ST6GALNAC5: variants seen among roughly 807,000 people sequenced by gnomAD.
The protein encoded by ST6GALNAC5 is ST6 N-acetylgalactosaminide alpha-2,6-sialyltransferase 5.
Under a neutral mutation model 33.6 loss-of-function variants are expected in ST6GALNAC5, and 27 were observed. That is an observed-to-expected ratio of 0.80 (90% CI 0.59 to 1.11). The LOEUF (loss-of-function observed/expected upper bound fraction) is 1.11. Ranked by LOEUF, ST6GALNAC5 falls within the 50% of genes least tolerant of loss-of-function variation. ST6GALNAC5 has a pLI of 0.00. For synonymous variants in ST6GALNAC5, 194 were observed against 171.2 expected (o/e 1.13, Z -1.04); for missense variants, 428 against 454.0 (o/e 0.94, Z 0.52).
chr1:77,022,187 G>T (rs1651077688), intron 2 of ST6GALNAC5, among the ~76,000 whole-genome samples: 1 of 152,070 alleles, frequency 6.6e-6, no homozygotes, highest in Admixed American at 6.6e-5. Context: ...AATTAAGGAG[G>T]TTGCGAACAC....
At chr1:76,941,626 A>T (rs2100325234) in intron 2 of ST6GALNAC5, among the ~76,000 whole-genome samples, 1 of 152,118 alleles carries the variant, frequency 6.6e-6, no homozygotes, top group East Asian at 1.9e-4. Flanking sequence ...CTTACAAGAG[A>T]CAGAAGAAGA....
rs904203446 is a variant in ST6GALNAC5, at chr1:76,913,523, T to C, written c.261+44781T>C. On this transcript the variant is annotated intron_variant, in intron 2 of 4. Coordinates refer to ENST00000477717, the MANE Select transcript of ST6GALNAC5 (RefSeq NM_030965.3). The stretch of plus-strand genomic sequence containing the variant: ...ATACCCTGCAGAGTGTTTTCCAACT[T>C]GGTTCCATTCTCCCCGTCACTTTCA... Among the ~76,000 whole-genome samples the C allele has an allele frequency of 2.2e-4, 33 of 152,304 alleles. 1 individual carries two copies. The highest frequency in any genetic ancestry group is 7.5e-4 in the African/African-American group (31 of 41,574).
chr1:76,977,156 A>C (rs775711099), intron 2 of ST6GALNAC5, among the ~76,000 whole-genome samples: 17 of 151,836 alleles, frequency 1.1e-4, no homozygotes, highest in African/African-American at 3.1e-4. Context: ...TTTCCACTTT[A>C]TTTTTCATTA....
intron 2 of ST6GALNAC5, among the ~76,000 whole-genome samples, chr1:76,984,886 A>G (rs186612007): frequency 1.7e-4 from 26 of 152,340 alleles, no homozygotes; most frequent in African/African-American, 6.3e-4. Context: ...AATGTAATCC[A>G]TCACATAAAC....
At chr1:76,984,819 G>A (rs575181397) in intron 2 of ST6GALNAC5, among the ~76,000 whole-genome samples, 4 of 152,264 alleles carry the variant, frequency 2.6e-5, no homozygotes, top group South Asian at 2.1e-4. Context: ...TATGCACTAC[G>A]ATCAAGTCAG....
At chr1:77,059,401 G>A (rs1487347409) in intron 4 of ST6GALNAC5, among the ~76,000 whole-genome samples, 4 of 152,106 alleles carry the variant, frequency 2.6e-5, no homozygotes, top group Non-Finnish European at 2.9e-5. Flanking sequence ...GACTAGTCAC[G>A]TATTTCATAG....
intron 2 of ST6GALNAC5, among the ~76,000 whole-genome samples, chr1:76,948,388 G>T (rs1227019156): frequency 6.6e-6 from 1 of 152,140 alleles, no homozygotes; most frequent in Non-Finnish European, 1.5e-5. Flanking sequence ...CCTCAGGGCT[G>T]TGCTGTGGGC....
chr1:77,017,841 T>C (rs947701018), intron 2 of ST6GALNAC5, among the ~76,000 whole-genome samples: 4 of 152,290 alleles, frequency 2.6e-5, no homozygotes, highest in African/African-American at 4.8e-5. Context: ...AGAGATAATA[T>C]GTAAAGAGAC....
chr1:76,996,271 C>A (rs1361110611), intron 2 of ST6GALNAC5, among the ~76,000 whole-genome samples: 1 of 152,168 alleles, frequency 6.6e-6, no homozygotes, highest in Non-Finnish European at 1.5e-5. Context: ...TCTTGTGTAT[C>A]AGAGTTTGTG....
chr1:76,927,271 T>G (rs1053622210), intron 2 of ST6GALNAC5, among the ~76,000 whole-genome samples: 1 of 152,084 alleles, frequency 6.6e-6, no homozygotes, highest in Admixed American at 6.6e-5. Flanking sequence ...AATATTTTCA[T>G]GAATATATAA....
intron 2 of ST6GALNAC5, among the ~76,000 whole-genome samples, chr1:76,904,986 G>C (rs1253608141): frequency 6.6e-6 from 1 of 152,114 alleles, no homozygotes; most frequent in South Asian, 2.1e-4. Context: ...AATGACTTTG[G>C]GGTGTTGACA....
chr1:77,053,819 C>T (rs774776985), intron 4 of ST6GALNAC5, among the ~76,000 whole-genome samples: 3 of 152,174 alleles, frequency 2.0e-5, no homozygotes, highest in Non-Finnish European at 4.4e-5. Context: ...GCGCATTTTA[C>T]AGAACTGGCA....
At chr1:76,968,970 C>G (rs1183029830) in intron 2 of ST6GALNAC5, among the ~76,000 whole-genome samples, 1 of 152,198 alleles carries the variant, frequency 6.6e-6, no homozygotes, top group Non-Finnish European at 1.5e-5. Context: ...GATGGTCTTC[C>G]CTTTGTGCGT....
At chr1:76,911,022 T>C (rs1367659028) in intron 2 of ST6GALNAC5, among the ~76,000 whole-genome samples, 4 of 152,114 alleles carry the variant, frequency 2.6e-5, no homozygotes, top group African/African-American at 7.2e-5. Context: ...ATTCAGCTCT[T>C]AAAAACTGCA....
At chr1:77,040,154 A>G (rs1254564489) in intron 2 of ST6GALNAC5, among the ~76,000 whole-genome samples, 1 of 152,170 alleles carries the variant, frequency 6.6e-6, no homozygotes, top group Non-Finnish European at 1.5e-5. Flanking sequence ...GCCTCCTAAG[A>G]TATCATCAGT....
chr1:77,035,672 A>G (rs544300565), intron 2 of ST6GALNAC5, among the ~76,000 whole-genome samples: 1 of 152,296 alleles, frequency 6.6e-6, no homozygotes, highest in South Asian at 2.1e-4. Context: ...GCCCATGAAA[A>G]GATGTTCATC....
At chr1:76,954,264 A>G (rs989805682) in intron 2 of ST6GALNAC5, among the ~76,000 whole-genome samples, 3 of 152,172 alleles carry the variant, frequency 2.0e-5, no homozygotes, top group Non-Finnish European at 4.4e-5. Context: ...AATCCTTAGC[A>G]AACTAATGCA....
rs137965474 is a variant in ST6GALNAC5 at position 77,061,610 on chromosome 1, G to T, written c.780-1365G>T. Among the ~76,000 whole-genome samples, 354 of 152,322 alleles carry T rather than the reference G, an allele frequency of 2.3e-3. 2 individuals carry two copies. Among genetic ancestry groups the T allele is most frequent in the African/African-American group, 7.8e-3 (326 of 41,570 alleles). On this transcript the variant is annotated intron_variant, in intron 4 of 4. Transcript: ENST00000477717. Reference sequence around the variant, plus strand: ...CTTAGTCTCTGCAACAAGGCCAGTTGCTGAGCATAGCTCAAATTAGGAAAG... The same window carrying T: ...CTTAGTCTCTGCAACAAGGCCAGTTTCTGAGCATAGCTCAAATTAGGAAAG...
chr1:76,907,260 G>T (rs1397061938), intron 2 of ST6GALNAC5, among the ~76,000 whole-genome samples: 1 of 151,838 alleles, frequency 6.6e-6, no homozygotes, highest in African/African-American at 2.4e-5. Flanking sequence ...TCCTCAACAT[G>T]GTGTGTAAGA....
Sources: allele counts gnomAD v4.1 joint callset (sites outside exome capture counted in the v4.1 genomes callset), GRCh38; gene constraint gnomAD v4.1.1; transcripts MANE v1.5; gene names NCBI Gene and HGNC (gene_info 2026-07-23, HGNC 2026-07-21).